Variants in HDAC5 observed in about 807,000 individuals in gnomAD.
HDAC5 encodes antigen NY-CO-9.
HDAC5 carries 25 observed loss-of-function variants against 133.3 expected under a neutral mutation model. That is an observed-to-expected ratio of 0.19 (90% CI 0.14 to 0.26). HDAC5 has a LOEUF of 0.26. Among genes scored for constraint, HDAC5 ranks in the 10% least tolerant of loss-of-function variants. The pLI is 1.00. For synonymous variants in HDAC5, 589 were observed against 610.8 expected (o/e 0.96, Z 0.53); for missense variants, 1,041 against 1,460.5 (o/e 0.71, Z 4.68).
At chr17:44,079,027 T>C in intron 24 of HDAC5, 117 bp downstream of exon 24, 1 of 1,512,008 alleles carries the variant, frequency 6.6e-7, no homozygotes, top group Non-Finnish European at 9.0e-7. Context: ...AGCCTGGCCA[T>C]TAGCTGTTCC....
At position 44,092,405 on chromosome 17, in the gene HDAC5, C is replaced by T; in HGVS notation, c.895G>A (p.Glu299Lys). Residue 299 changes from glutamate to lysine, a missense_variant, in exon 8 of 27, where the codon GAG becomes AAG. Coordinates refer to ENST00000682912, the MANE Select transcript of HDAC5 (RefSeq NM_005474.5). ...VISTFKKRAVEITGAGPGASS... is the reference protein window; with the variant it reads ...VISTFKKRAVKITGAGPGASS... Reference sequence around the variant, plus strand: ...CCCCCAGGCCCGGCACCTGTGATCTCAACAGCTCTCTTCTTAAAGGTGCTA... The same window carrying T: ...CCCCCAGGCCCGGCACCTGTGATCTTAACAGCTCTCTTCTTAAAGGTGCTA... The T allele has an allele frequency of 6.2e-7, 1 of 1,613,836 alleles. No homozygotes were observed. Among genetic ancestry groups the T allele is most frequent in the Non-Finnish European group, 8.5e-7 (1 of 1,179,796 alleles).
At chr17:44,082,898 C>T in intron 18 of HDAC5, 78 bp from the exon 19 acceptor site, 3 of 1,246,860 alleles carry the variant, frequency 2.4e-6, no homozygotes, top group Non-Finnish European at 2.3e-6. Context: ...GACAGAAGCA[C>T]AAGCCAGGCA....
At position 44,092,813 on chromosome 17, in the gene HDAC5, TGGGGGG is replaced by T; in HGVS notation, c.642-13_642-8del. On this transcript the variant is annotated splice_region_variant and splice_polypyrimidine_tract_variant and intron_variant, in intron 6 of 26. Coordinates refer to ENST00000682912, the MANE Select transcript of HDAC5 (RefSeq NM_005474.5). ...AGAAGCATGGTGGGCTCCCCTGGGG[TGGGGGG>T]GGGGTGGGGATGGAAGCAGATCTAG... The T allele has an allele frequency of 5.5e-5, 22 of 403,380 alleles. No individual in the cohort carries two copies. The highest frequency in any genetic ancestry group is 7.7e-5 in the Non-Finnish European group (18 of 232,410). 25.0% of individuals were successfully genotyped at this position (403,380 alleles called of 1,614,324 possible).
At chr17:44,116,841 C>A (rs1038205414) in intron 2 of HDAC5, among the ~76,000 whole-genome samples, 1 of 152,038 alleles carries the variant, frequency 6.6e-6, no homozygotes, top group Non-Finnish European at 1.5e-5. Context: ...GGACAGGGTC[C>A]TAGGAACAAA....
intron 3 of HDAC5, among the ~76,000 whole-genome samples, chr17:44,096,480 T>G (rs1198406829): frequency 6.6e-6 from 1 of 151,094 alleles, no homozygotes. Context: ...TTTTTGTTTT[T>G]TTTTTTTTTG....
chr17:44,083,574 C>A lies in HDAC5; in HGVS notation c.2434G>T (p.Ala812Ser), dbSNP rs912317618. 2.5e-6 allele frequency: 4 copies of A among 1,613,826 alleles called. No individual in the cohort carries two copies. Among genetic ancestry groups the A allele is most frequent in the Non-Finnish European group, 3.4e-6 (4 of 1,179,974 alleles). ...AGCTCTCCTGCAGCCACCTTGAAGG[C>A]CAGCTCCAGCAGGCAGCCCACTGCC... ...RMAVGCLLELAFKVAAGELKN... is the reference protein window; with the variant it reads ...RMAVGCLLELSFKVAAGELKN... Residue 812 changes from alanine (A) to serine (S), a missense_variant, in exon 18 of 27, where the codon GCC becomes TCC. Physicochemically the swap from Ala to Ser is moderately conservative, Grantham distance 99. Transcript: ENST00000682912.
intron 3 of HDAC5, among the ~76,000 whole-genome samples, chr17:44,097,701 T>C (rs532594193): frequency 1.1e-3 from 163 of 152,380 alleles, no homozygotes; most frequent in Middle Eastern, 0.01. Context: ...CTCCCGGCAA[T>C]GCCGGGGTTG....
At chr17:44,084,894 T>C in intron 15 of HDAC5, 128 bp downstream of exon 15, 1 of 1,323,174 alleles carries the variant, frequency 7.6e-7, no homozygotes, top group South Asian at 1.4e-5. Context: ...AACGGGGTGG[T>C]GGGAGAACTG....
chr17:44,078,690 G>A (rs143780987), intron 25 of HDAC5, 25 bp from the exon 26 acceptor site: 68 of 1,605,940 alleles, frequency 4.2e-5, no homozygotes, highest in Non-Finnish European at 5.7e-5. Flanking sequence ...CAGGCAAGGG[G>A]TCAGGGAGGG....
chr17:44,091,867 C>T (rs765199960), intron 9 of HDAC5, 36 bp from the exon 10 acceptor site: 11 of 1,516,822 alleles, frequency 7.3e-6, no homozygotes, highest in Middle Eastern at 1.8e-4. Context: ...CATGAGAGTG[C>T]ACAAAGGGGA....
rs552181879 is a variant in HDAC5 at position 44,088,441 on chromosome 17, T to C, written c.1545A>G (p.Gln515=). The change falls in exon 12 of 27, where the codon CAA becomes CAG. Residue 515 remains glutamine, a synonymous_variant. Coordinates refer to ENST00000682912, the MANE Select transcript of HDAC5 (RefSeq NM_005474.5). The part of the protein sequence containing the change: ...PQALQQLVMQ[Q]QHQQFLEKQK... ...GCTTCTCCAGGAACTGCTGGTGCTG[T>C]TGTTGCATGACCAGCTGCTGCAGGG... 16 of 1,591,826 alleles carry C rather than the reference T, an allele frequency of 1.0e-5. No individual in the cohort carries two copies. The African/African-American group carries it at 1.2e-4, about 12-fold the overall frequency.
At position 44,117,248 on chromosome 17, in the gene HDAC5, G is replaced by C. The variant is rs2052702853; in HGVS notation, c.22+246C>G. Among the ~76,000 whole-genome samples the C allele has an allele frequency of 6.6e-6, 1 of 152,226 alleles. No individual in the cohort carries two copies. The highest frequency in any genetic ancestry group is 2.4e-5 in the African/African-American group (1 of 41,460). On this transcript the variant is annotated intron_variant, in intron 2 of 26. Coordinates refer to ENST00000682912, the MANE Select transcript of HDAC5 (RefSeq NM_005474.5). This position sits in a 1 kb window ranked among gnomAD's most constrained non-coding sequence, Gnocchi z 4.2. ...CGAAGCTGGAGCTGAACACCCCTAA[G>C]TTGAGAGGGCAAGCATGGGGGGCAG...
intron 3 of HDAC5, among the ~76,000 whole-genome samples, chr17:44,100,517 G>A (rs1009786791): frequency 6.7e-5 from 10 of 148,608 alleles, no homozygotes; most frequent in Admixed American, 1.4e-4. Flanking sequence ...GGCAGATCAC[G>A]AGGTCAGGAG....
chr17:44,096,030 A>G (rs2051253609), intron 3 of HDAC5, among the ~76,000 whole-genome samples: 2 of 152,030 alleles, frequency 1.3e-5, no homozygotes, highest in African/African-American at 4.8e-5. Flanking sequence ...GTACCTACAC[A>G]CAGTTCTCAG....
rs1390037517 is a variant in HDAC5 at position 44,077,335 on chromosome 17, T to G, written c.*1041A>C. On this transcript the variant is annotated 3_prime_UTR_variant, in exon 27 of 27. Coordinates refer to ENST00000682912, the MANE Select transcript of HDAC5 (RefSeq NM_005474.5). Reference sequence around the variant, plus strand: ...GTCAGCAAAGGGAGCCCAGAAGGTATGGAAGCTCCAGCTGAGAGCCGACTC... The same window carrying G: ...GTCAGCAAAGGGAGCCCAGAAGGTAGGGAAGCTCCAGCTGAGAGCCGACTC... 1 of 152,536 alleles carries G rather than the reference T, an allele frequency of 6.6e-6. No homozygotes were observed. Among genetic ancestry groups the G allele is most frequent in the Non-Finnish European group, 1.5e-5 (1 of 68,082 alleles). The allele number at this position is 152,536 out of a possible 1,614,324, so 9.4% of individuals were successfully genotyped here.
intron 14 of HDAC5, 22 bp from the exon 15 acceptor site, chr17:44,085,177 C>A: frequency 6.4e-7 from 1 of 1,573,138 alleles, no homozygotes; most frequent in South Asian, 1.1e-5. Context: ...ACCTATGTGT[C>A]AGCCAGCACT....
In HDAC5 at chr17:44,098,003, G is replaced by A. The variant is rs560102300; in HGVS notation, c.95-4169C>T. On this transcript the variant is annotated intron_variant, in intron 3 of 26. Transcript: ENST00000682912. ...CTCTGCCATGCAGCCTCGTTCCCAT[G>A]CAAACAGGAAGCACAGGCGACTCCA... Among the ~76,000 whole-genome samples, 6 of 152,366 alleles carry A rather than the reference G, an allele frequency of 3.9e-5. No individual in the cohort carries two copies. The South Asian group carries it at 1.2e-3, about 32-fold the overall frequency.
rs1187397505 is a variant in HDAC5, at chr17:44,078,991, C to T, written c.3079-112G>A. ...CCCTCACAACAGGGGCAAACATGGC[C>T]TTTTTGGACAAACGCATACTCAGAA... is the stretch of plus-strand genomic sequence containing the variant. On this transcript the variant is annotated intron_variant, in intron 24 of 26. Transcript: ENST00000682912. 10 of 1,520,912 alleles carry T rather than the reference C, an allele frequency of 6.6e-6. No homozygotes were observed. In the South Asian group the frequency reaches 8.0e-5, roughly 12 times the overall value. The allele number at this position is 1,520,912 out of a possible 1,614,324, so 94.2% of individuals were successfully genotyped here. A position where few individuals can be genotyped will look rare whatever the true frequency, so the allele number is the denominator to read the frequency against.
At chr17:44,093,249 C>A (rs532320057) in intron 5 of HDAC5, 43 bp from the exon 6 acceptor site, 8 of 1,585,042 alleles carry the variant, frequency 5.0e-6, no homozygotes, top group Non-Finnish European at 6.9e-6. Flanking sequence ...TGGGGCCAGA[C>A]CCCCCATGGC....
Sources: allele counts gnomAD v4.1 joint callset (sites outside exome capture counted in the v4.1 genomes callset), GRCh38; gene constraint gnomAD v4.1.1; non-coding constraint Gnocchi (gnomAD v3.1); transcripts MANE v1.5; gene names NCBI Gene and HGNC (gene_info 2026-07-23, HGNC 2026-07-21).